Variants in LRRC4C observed in about 807,000 individuals in gnomAD.
The protein encoded by LRRC4C is leucine-rich repeat-containing protein 4C.
A neutral mutation model predicts 33.6 loss-of-function variants in LRRC4C; 5 were observed. The ratio of observed to expected loss-of-function variants is 0.15; its 90% confidence interval spans 0.08 to 0.31. LRRC4C has a LOEUF of 0.31. Among genes scored for constraint, LRRC4C ranks in the 10% least tolerant of loss-of-function variants. The pLI, the probability that LRRC4C is intolerant of heterozygous loss-of-function variation, is 1.00. For missense variants in LRRC4C, 560 were observed against 796.7 expected (o/e 0.70, Z 3.58); for synonymous variants, 329 against 302.0 (o/e 1.09, Z -0.93).
chr11:40,439,808 C>CA (rs915696240), intron 3 of LRRC4C, among the ~76,000 whole-genome samples: 6 of 152,072 alleles, frequency 3.9e-5, no homozygotes, highest in Non-Finnish European at 8.8e-5. Context: ...TTTAAAAATG[C>CA]AAAAACAAAT....
At chr11:40,593,107 A>G (rs890310931) in intron 3 of LRRC4C, among the ~76,000 whole-genome samples, 1 of 152,218 alleles carries the variant, frequency 6.6e-6, no homozygotes, top group Non-Finnish European at 1.5e-5. Context: ...TATTATTCAT[A>G]GCCTGAACTC....
chr11:40,615,681 C>T (rs565499972), intron 3 of LRRC4C, among the ~76,000 whole-genome samples: 24 of 151,762 alleles, frequency 1.6e-4, no homozygotes, highest in South Asian at 6.2e-4. Context: ...TATTAAAATT[C>T]GCTTTAATTG....
intron 3 of LRRC4C, among the ~76,000 whole-genome samples, chr11:40,482,873 C>T (rs763328375): frequency 8.5e-5 from 13 of 152,084 alleles, no homozygotes; most frequent in Non-Finnish European, 1.6e-4. Context: ...TTATCTCAGT[C>T]CTAATAGAAT....
At chr11:41,068,267 C>G (rs1938408698) in intron 1 of LRRC4C, among the ~76,000 whole-genome samples, 1 of 152,050 alleles carries the variant, frequency 6.6e-6, no homozygotes, top group African/African-American at 2.4e-5. Flanking sequence ...GTGGCAAGTT[C>G]CTATAATTCC....
At chr11:40,618,836 C>T (rs1431474251) in intron 3 of LRRC4C, among the ~76,000 whole-genome samples, 1 of 151,782 alleles carries the variant, frequency 6.6e-6, no homozygotes, top group Non-Finnish European at 1.5e-5. Flanking sequence ...GGATCTGCCA[C>T]TGAATGGCTG....
intron 3 of LRRC4C, among the ~76,000 whole-genome samples, chr11:40,325,851 A>G (rs1946073878): frequency 1.3e-5 from 2 of 152,154 alleles, no homozygotes; most frequent in East Asian, 3.9e-4. Context: ...TTCAACATAT[A>G]TGGATTGACA....
chr11:40,813,328 G>T (rs969133409), intron 2 of LRRC4C, among the ~76,000 whole-genome samples: 1 of 152,170 alleles, frequency 6.6e-6, no homozygotes, highest in Non-Finnish European at 1.5e-5. Flanking sequence ...GGAAGGCAAA[G>T]GAGGAGCAAA....
At chr11:40,403,340 A>G (rs1197329045) in intron 3 of LRRC4C, among the ~76,000 whole-genome samples, 1 of 152,164 alleles carries the variant, frequency 6.6e-6, no homozygotes, top group African/African-American at 2.4e-5. Context: ...AAAGCTTTAT[A>G]GTAAAATTTA....
chr11:41,173,254 C>A (rs915980126), intron 1 of LRRC4C, among the ~76,000 whole-genome samples: 1 of 152,044 alleles, frequency 6.6e-6, no homozygotes, highest in African/African-American at 2.4e-5. Context: ...AGGACTAACC[C>A]GCAGCTCTTT....
intron 2 of LRRC4C, among the ~76,000 whole-genome samples, chr11:40,823,988 C>A (rs1405081054): frequency 6.6e-6 from 1 of 151,818 alleles, no homozygotes; most frequent in East Asian, 1.9e-4. Flanking sequence ...CTGATACATG[C>A]TGTTAGATGG....
chr11:41,194,755 C>T (rs544928181), intron 1 of LRRC4C, among the ~76,000 whole-genome samples: 5 of 152,132 alleles, frequency 3.3e-5, no homozygotes, highest in African/African-American at 1.2e-4. Flanking sequence ...AAGCAAAGGG[C>T]CCTGTTAAGT....
At chr11:40,546,084 A>ACCTTCCTTCCTT (rs35191575) in intron 3 of LRRC4C, among the ~76,000 whole-genome samples, 24 of 135,754 alleles carry the variant, frequency 1.8e-4, no homozygotes, top group African/African-American at 6.0e-4. Context: ...CTTCCTTCCT[A>ACCTTCCTTCCTT]CCTTCCTTCC....
At chr11:41,401,586 G>A (rs1954028079) in intron 1 of LRRC4C, among the ~76,000 whole-genome samples, 1 of 151,846 alleles carries the variant, frequency 6.6e-6, no homozygotes, top group Non-Finnish European at 1.5e-5. Context: ...GATTTAACTG[G>A]CAAAGGACAA....
intron 3 of LRRC4C, among the ~76,000 whole-genome samples, chr11:40,477,479 C>T (rs948585724): frequency 6.6e-6 from 1 of 152,108 alleles, no homozygotes; most frequent in African/African-American, 2.4e-5. Context: ...ATATTCATTA[C>T]CCACCTTTTA....
chr11:40,563,610 A>G (rs560631165), intron 3 of LRRC4C, among the ~76,000 whole-genome samples: 32 of 152,240 alleles, frequency 2.1e-4, no homozygotes, highest in African/African-American at 7.2e-4. Context: ...AGCTGATATA[A>G]AGTACATGGG....
At chr11:40,773,273 A>AT (rs759664988) in intron 2 of LRRC4C, among the ~76,000 whole-genome samples, 42 of 152,132 alleles carry the variant, frequency 2.8e-4, no homozygotes, top group Non-Finnish European at 5.0e-4. Context: ...GAGAAAATTA[A>AT]TAAGGGCTAG....
In LRRC4C at chr11:40,252,176, A is replaced by G. The variant is rs1453158208; in HGVS notation, c.-175-10578T>C. Among the ~76,000 whole-genome samples, 3 of 151,994 alleles carry G rather than the reference A, an allele frequency of 2.0e-5. No homozygotes were observed. In the South Asian group the frequency reaches 6.2e-4, roughly 32 times the overall value. On this transcript the variant is annotated intron_variant, in intron 4 of 6. Transcript: ENST00000528697. Reference sequence around the variant, plus strand: ...ATGATCATCTCAAGCGGTGGTACACACACATATATACACACACACAACCCT... The same window carrying G: ...ATGATCATCTCAAGCGGTGGTACACGCACATATATACACACACACAACCCT...
Position 40,257,763 on chromosome 11 carries a change from C to T in LRRC4C, c.-175-16165G>A, listed in dbSNP as rs59454129. 6.8e-3 allele frequency among the ~76,000 whole-genome samples: 1,032 copies of T among 152,236 alleles called. 9 individuals are homozygous for T. The highest frequency in any genetic ancestry group is 0.023 in the African/African-American group (971 of 41,542). The stretch of plus-strand genomic sequence containing the variant: ...GATGTCTGGATATGATGCCTGCAAT[C>T]GCAATTGCCTGAACACTAAGGCTAC... On this transcript the variant is annotated intron_variant, in intron 4 of 6. Coordinates refer to ENST00000528697, the MANE Select transcript of LRRC4C (RefSeq NM_001258419.2).
chr11:40,733,936 G>A (rs1451462099), intron 2 of LRRC4C, among the ~76,000 whole-genome samples: 1 of 152,166 alleles, frequency 6.6e-6, no homozygotes, highest in African/African-American at 2.4e-5. Flanking sequence ...TGGGTTTGGA[G>A]ACATACTGTT....
Sources: gnomAD v4.1 joint callset for allele counts (sites outside exome capture counted in the v4.1 genomes callset) on GRCh38, gnomAD v4.1.1 for gene constraint, MANE v1.5 for transcripts, NCBI Gene and HGNC (gene_info 2026-07-23, HGNC 2026-07-21) for gene names.